CADM2: variants seen among roughly 807,000 people sequenced by gnomAD.
CADM2 encodes the protein immunoglobulin superfamily member 4D.
In CADM2, 12 loss-of-function variants were observed where a neutral mutation model predicts 49.8. The ratio of observed to expected loss-of-function variants is 0.24; its 90% CI spans 0.15 to 0.39. CADM2 has a LOEUF of 0.39. Among genes scored for constraint, CADM2 ranks in the 10% least tolerant of loss-of-function variants. CADM2 has a pLI of 1.00. For missense variants in CADM2, 378 were observed against 492.3 expected, an observed-to-expected ratio of 0.77 and a Z score of 2.20; for synonymous variants, 214 against 175.4, an observed-to-expected ratio of 1.22 and a Z score of -1.74.
intron 1 of CADM2, among the ~76,000 whole-genome samples, chr3:85,045,533 A>C (rs1158708900): frequency 6.6e-6 from 1 of 152,142 alleles, no homozygotes; most frequent in Admixed American, 6.6e-5. Flanking sequence ...TAATACTACT[A>C]TCTCAGGGTT....
At chr3:85,948,329 T>A (rs533039485) in intron 7 of CADM2, among the ~76,000 whole-genome samples, 4 of 151,524 alleles carry the variant, frequency 2.6e-5, no homozygotes, top group African/African-American at 9.6e-5. Flanking sequence ...TTTTTTGCAT[T>A]TTTTTCGTAA....
intron 8 of CADM2, among the ~76,000 whole-genome samples, chr3:85,966,020 C>T (rs568746691): frequency 4.6e-4 from 70 of 151,818 alleles, no homozygotes; most frequent in African/African-American, 1.6e-3. Context: ...TCCCTCTTAA[C>T]CTTCCCAGTG....
chr3:85,495,715 A>T (rs1226939504), intron 1 of CADM2, among the ~76,000 whole-genome samples: 1 of 151,896 alleles, frequency 6.6e-6, no homozygotes, highest in Non-Finnish European at 1.5e-5. Context: ...AATCAAGCAG[A>T]AGAATAGTGG....
intron 1 of CADM2, among the ~76,000 whole-genome samples, chr3:85,311,639 G>C (rs1366298987): frequency 6.6e-6 from 1 of 152,066 alleles, no homozygotes; most frequent in Non-Finnish European, 1.5e-5. Flanking sequence ...GCCTCCCAAA[G>C]TGCTGGGATT....
intron 1 of CADM2, among the ~76,000 whole-genome samples, chr3:85,261,359 C>G (rs1217638431): frequency 6.6e-6 from 1 of 152,086 alleles, no homozygotes; most frequent in Non-Finnish European, 1.5e-5. Flanking sequence ...CGGTCTTGAA[C>G]TCCTGACCTA....
chr3:85,578,029 T>TTCCTTCCTTCCTTCCC (rs750595688), intron 1 of CADM2, among the ~76,000 whole-genome samples: 1 of 147,122 alleles, frequency 6.8e-6, no homozygotes, highest in African/African-American at 2.5e-5. Flanking sequence ...CCTTCCTTCC[T>TTCCTTCCTTCCTTCCC]TTCTTCCCCC....
At chr3:85,078,227 G>T (rs2037023500) in intron 1 of CADM2, among the ~76,000 whole-genome samples, 1 of 151,884 alleles carries the variant, frequency 6.6e-6, no homozygotes, top group African/African-American at 2.4e-5. Context: ...AATTTGTCCT[G>T]CAGAAAGAGA....
At chr3:85,590,193 A>G (rs1484909283) in intron 1 of CADM2, among the ~76,000 whole-genome samples, 1 of 152,002 alleles carries the variant, frequency 6.6e-6, no homozygotes, top group Non-Finnish European at 1.5e-5. Flanking sequence ...AGCCAAGCAG[A>G]AAAATAGAAA....
At chr3:85,385,339 G>C (rs1256734463) in intron 1 of CADM2, among the ~76,000 whole-genome samples, 2 of 152,184 alleles carry the variant, frequency 1.3e-5, no homozygotes, top group African/African-American at 2.4e-5. Flanking sequence ...AATATATGTT[G>C]TTTGGGAGGA....
intron 2 of CADM2, among the ~76,000 whole-genome samples, chr3:85,796,954 G>A (rs1336800487): frequency 1.3e-5 from 2 of 151,912 alleles, no homozygotes; most frequent in Non-Finnish European, 2.9e-5. Flanking sequence ...AATTAACTGG[G>A]TGTGGTGACA....
At chr3:85,332,811 G>T (rs1576364558) in intron 1 of CADM2, among the ~76,000 whole-genome samples, 1 of 151,534 alleles carries the variant, frequency 6.6e-6, no homozygotes, top group East Asian at 1.9e-4. Flanking sequence ...GTAGATTGAA[G>T]ATTTGACTCA....
At chr3:85,241,528 A>G (rs1013564379) in intron 1 of CADM2, among the ~76,000 whole-genome samples, 2 of 151,552 alleles carry the variant, frequency 1.3e-5, no homozygotes, top group African/African-American at 4.8e-5. Context: ...GATAATATCA[A>G]CCATTTAAAT....
chr3:85,954,336 T>G lies in CADM2; in HGVS notation c.792-7133T>G, dbSNP rs547438946. On this transcript the variant is annotated intron_variant, in intron 7 of 9. Coordinates refer to ENST00000383699, the MANE Select transcript of CADM2 (RefSeq NM_001167675.2). ...ATCTTCAATAACAAAAAACCCTTAG[T>G]GTAGTTTTAAAATTTGTAATGATCA... 4.0e-4 allele frequency among the ~76,000 whole-genome samples: 61 copies of G among 151,136 alleles called. No individual in the cohort carries two copies. In the South Asian group the frequency reaches 8.1e-3, roughly 20 times the overall value.
intron 1 of CADM2, among the ~76,000 whole-genome samples, chr3:85,543,421 T>TGTGTGTGGGGGTGTGTGTGG (rs1491106808): frequency 2.4e-5 from 1 of 41,852 alleles, no homozygotes; most frequent in Non-Finnish European, 4.7e-5. Flanking sequence ...GCCAAGCTAA[T>TGTGTGTGGGGGTGTGTGTGG]GTGTGTGTGT....
intron 1 of CADM2, among the ~76,000 whole-genome samples, chr3:85,325,654 C>T (rs2107125954): frequency 6.9e-6 from 1 of 145,350 alleles, no homozygotes; most frequent in South Asian, 2.1e-4. Flanking sequence ...TGTGCCATTG[C>T]ACTCCAACCT....
At chr3:86,047,814 C>G (rs1466467654) in intron 8 of CADM2, among the ~76,000 whole-genome samples, 1 of 152,122 alleles carries the variant, frequency 6.6e-6, no homozygotes, top group African/African-American at 2.4e-5. Flanking sequence ...CATTTCGAGT[C>G]CCAAATCTGG....
chr3:85,956,921 A>G (rs1298596975), intron 7 of CADM2, among the ~76,000 whole-genome samples: 2 of 151,594 alleles, frequency 1.3e-5, no homozygotes, highest in Admixed American at 6.6e-5. Context: ...TGTATGTTTA[A>G]AAGTTCAAAC....
intron 1 of CADM2, among the ~76,000 whole-genome samples, chr3:85,362,434 A>G (rs554538164): frequency 1.3e-5 from 2 of 152,354 alleles, no homozygotes; most frequent in Admixed American, 6.5e-5. Context: ...TTTGAAGCGT[A>G]TAAAATTAAA....
At chr3:85,117,573 G>T (rs937092393) in intron 1 of CADM2, among the ~76,000 whole-genome samples, 2 of 152,066 alleles carry the variant, frequency 1.3e-5, no homozygotes, top group African/African-American at 4.8e-5. Flanking sequence ...TTTATCTGAA[G>T]TATATTTATC....
Sources: allele counts gnomAD v4.1 joint callset (sites outside exome capture counted in the v4.1 genomes callset), GRCh38; gene constraint gnomAD v4.1.1; transcripts MANE v1.5; gene names NCBI Gene and HGNC (gene_info 2026-07-23, HGNC 2026-07-21).